Variants in KPNA1 observed in about 807,000 individuals in gnomAD.
KPNA1 encodes karyopherin subunit alpha 1, also known as importin subunit alpha-5.
Under a neutral mutation model 70.5 loss-of-function variants are expected in KPNA1, and 10 were observed. The observed-to-expected ratio is 0.14, with a 90% CI of 0.09 to 0.24. KPNA1 has a LOEUF of 0.24. Ranked by LOEUF, KPNA1 falls within the 10% of genes least tolerant of loss-of-function variation. The probability of loss-of-function intolerance (pLI) is 1.00; values close to 1 mark genes in which losing one functional copy is unlikely to be tolerated. For missense variants in KPNA1, 397 were observed against 637.9 expected (o/e 0.62, Z 4.07); for synonymous variants, 192 against 221.9 (o/e 0.87, Z 1.20).
chr3:122,514,218 C>G (rs535509529), intron 1 of KPNA1, among the ~76,000 whole-genome samples: 8 of 152,292 alleles, frequency 5.3e-5, no homozygotes, highest in African/African-American at 1.4e-4. Context: ...TCTCCACCCC[C>G]CGCTTCCCCC....
chr3:122,459,450 T>C (rs576787467), intron 5 of KPNA1: 3 of 985,432 alleles, frequency 3.0e-6, no homozygotes, highest in East Asian at 1.1e-4. Flanking sequence ...TCCCTCTTCC[T>C]ACAAAGCATT....
In KPNA1 at chr3:122,426,113, T is replaced by G. The variant is rs2075819956; in HGVS notation, c.*872A>C. 6.6e-6 allele frequency: 1 copy of G among 152,036 alleles called. No homozygotes were observed. The highest frequency in any genetic ancestry group is 6.6e-5 in the Admixed American group (1 of 15,258). The allele number at this position is 152,036 out of a possible 1,614,324, so 9.4% of individuals were successfully genotyped here. On this transcript the variant is annotated 3_prime_UTR_variant, in exon 14 of 14. Transcript: ENST00000344337. ...AATTGGAGGGTTTTTTCGTCCTTAG[T>G]TTTTTTTATTAAATTACAGGATATG...
intron 1 of KPNA1, among the ~76,000 whole-genome samples, chr3:122,505,297 C>T (rs1415899675): frequency 8.3e-6 from 1 of 121,088 alleles, no homozygotes; most frequent in African/African-American, 3.0e-5. Context: ...AAAAAAAAAT[C>T]CAAGCAAATT....
intron 9 of KPNA1, among the ~76,000 whole-genome samples, chr3:122,445,287 G>A (rs1018791878): frequency 1.3e-5 from 2 of 152,196 alleles, no homozygotes; most frequent in African/African-American, 2.4e-5. Flanking sequence ...ATTCAATCAA[G>A]TGGAAGAAAG....
chr3:122,501,279 G>C (rs368575848), intron 1 of KPNA1, among the ~76,000 whole-genome samples: 2 of 151,952 alleles, frequency 1.3e-5, no homozygotes, highest in African/African-American at 2.4e-5. Context: ...ACCCACCTCC[G>C]CGTCCTGAAG....
intron 12 of KPNA1, chr3:122,433,298 A>G (rs1358329298): frequency 5.7e-6 from 1 of 176,854 alleles, no homozygotes; most frequent in Non-Finnish European, 1.2e-5. Flanking sequence ...CTTGGGCTCA[A>G]GTTCTACAAG....
At chr3:122,428,535 A>G (rs930290564) in intron 12 of KPNA1, among the ~76,000 whole-genome samples, 4 of 152,236 alleles carry the variant, frequency 2.6e-5, no homozygotes, top group Non-Finnish European at 4.4e-5. Context: ...TACTAATATC[A>G]TGAAAGAGAA....
rs2075785180 is a variant in KPNA1, at chr3:122,423,699, T to C, written c.*3286A>G. Reference sequence around the variant, plus strand: ...GTGGGTAGACGTACAATAGAATTGGTTGACAAAGTTTGGTTTATAAAATAT... The same window carrying C: ...GTGGGTAGACGTACAATAGAATTGGCTGACAAAGTTTGGTTTATAAAATAT... On this transcript the variant is annotated 3_prime_UTR_variant, in exon 14 of 14. Coordinates refer to ENST00000344337, the MANE Select transcript of KPNA1 (RefSeq NM_002264.4). The C allele has an allele frequency of 6.6e-6, 1 of 152,600 alleles. No individual in the cohort carries two copies. Among genetic ancestry groups the C allele is most frequent in the African/African-American group, 2.4e-5 (1 of 41,438 alleles). The allele number at this position is 152,600 out of a possible 1,614,324, so 9.5% of individuals were successfully genotyped here. A position where few individuals can be genotyped will look rare whatever the true frequency, so the allele number is the denominator to read the frequency against.
intron 1 of KPNA1, among the ~76,000 whole-genome samples, chr3:122,512,216 A>T (rs992020701): frequency 2.0e-5 from 3 of 149,636 alleles, no homozygotes. Flanking sequence ...CATTAGTTTA[A>T]AAAAAAAAAG....
chr3:122,479,758 T>TCAA (rs201926187), intron 2 of KPNA1, among the ~76,000 whole-genome samples: 2 of 152,038 alleles, frequency 1.3e-5, no homozygotes, highest in African/African-American at 4.8e-5. Flanking sequence ...AGACTCTGTC[T>TCAA]CAACAACAAC....
chr3:122,454,096 T>G (rs1221750520), intron 5 of KPNA1, 95 bp from the exon 6 acceptor site: 2 of 841,844 alleles, frequency 2.4e-6, no homozygotes, highest in Non-Finnish European at 3.5e-6. Flanking sequence ...AAAAAGATTC[T>G]GAGATCATTA....
At chr3:122,470,925 G>C (rs1431254530) in intron 2 of KPNA1, among the ~76,000 whole-genome samples, 4 of 152,108 alleles carry the variant, frequency 2.6e-5, no homozygotes, top group Admixed American at 2.6e-4. Context: ...TCCTTTGACT[G>C]TCAATAGTCT....
intron 2 of KPNA1, among the ~76,000 whole-genome samples, chr3:122,476,861 C>CAAAAAAAAAAAAAAAAAAAAA (rs144118691): frequency 1.5e-4 from 10 of 65,498 alleles, no homozygotes; most frequent in African/African-American, 2.3e-4. Context: ...GGAGGTTCCA[C>CAAAAAAAAAAAAAAAAAAAAA]AAAAAAAAAA....
chr3:122,427,245 C>G, intron 13 of KPNA1, 73 bp from the exon 14 acceptor site: 1 of 1,091,982 alleles, frequency 9.2e-7, no homozygotes. Context: ...ACTATATATT[C>G]CTAAACTATA....
At position 122,425,037 on chromosome 3, in the gene KPNA1, AAC is replaced by A. The variant is rs1176285201; in HGVS notation, c.*1946_*1947del. On this transcript the variant is annotated 3_prime_UTR_variant, in exon 14 of 14. Coordinates refer to ENST00000344337, the MANE Select transcript of KPNA1 (RefSeq NM_002264.4). ...AGCACAAAGCAGCACTAGAAAAAGT[AAC>A]AGTTATAGATGGGAGTTGACTAGTT... 5.9e-5 allele frequency: 9 copies of A among 152,744 alleles called. No individual in the cohort carries two copies. Among genetic ancestry groups the A allele is most frequent in the African/African-American group, 2.2e-4 (9 of 41,594 alleles). 9.5% of individuals were successfully genotyped at this position (152,744 alleles called of 1,614,324 possible).
At chr3:122,445,790 G>A (rs539673616) in intron 9 of KPNA1, among the ~76,000 whole-genome samples, 8 of 152,166 alleles carry the variant, frequency 5.3e-5, no homozygotes, top group Admixed American at 3.3e-4. Context: ...CACGTGCAGA[G>A]ACACACATAG....
At chr3:122,471,399 G>C (rs1210041674) in intron 2 of KPNA1, among the ~76,000 whole-genome samples, 2 of 152,004 alleles carry the variant, frequency 1.3e-5, no homozygotes, top group African/African-American at 4.8e-5. Context: ...CGGCATTTTG[G>C]CAAAAAATAA....
At chr3:122,450,285 CAT>C (rs1257364016) in intron 8 of KPNA1, among the ~76,000 whole-genome samples, 1 of 152,066 alleles carries the variant, frequency 6.6e-6, no homozygotes, top group Admixed American at 6.6e-5. Context: ...AGCCAACAAA[CAT>C]ATTAAAAAAT....
chr3:122,442,049 T>C lies in KPNA1; in HGVS notation c.985A>G (p.Ile329Val). 1.2e-6 allele frequency: 2 copies of C among 1,613,056 alleles called. No homozygotes were observed. The highest frequency in any genetic ancestry group is 8.5e-7 in the Non-Finnish European group (1 of 1,178,992). The change falls in exon 10 of 14, where the codon ATT becomes GTT. Residue 329 changes from isoleucine (I) to valine (V), a missense_variant. By Grantham distance (29) the Ile-to-Val change is conservative (BLOSUM62 3). Transcript: ENST00000344337. ...CCACTTCTTCATACCTGTGTCTGAA[T>C]ATCATCCCCTGTGACAATGTTTCCC... The part of the protein sequence containing the change: ...AVGNIVTGDD[I>V]QTQVILNCSA...
Sources: allele counts gnomAD v4.1 joint callset (sites outside exome capture counted in the v4.1 genomes callset), GRCh38; gene constraint gnomAD v4.1.1; transcripts MANE v1.5; gene names NCBI Gene and HGNC (gene_info 2026-07-23, HGNC 2026-07-21).